Variants in IMMP2L observed in about 807,000 individuals in gnomAD.
IMMP2L encodes inner mitochondrial membrane peptidase subunit 2.
In IMMP2L, 18 loss-of-function variants were observed where a neutral mutation model predicts 19.3. The observed-to-expected ratio is 0.93, with a 90% confidence interval of 0.64 to 1.38. The LOEUF (loss-of-function observed/expected upper bound fraction) is 1.38. Ranked by LOEUF, IMMP2L falls within the 40% of genes most tolerant of loss-of-function variation. The pLI is 0.00. For synonymous variants in IMMP2L, 76 were observed against 73.0 expected, an observed-to-expected ratio of 1.04 and a Z score of -0.21; for missense variants, 233 against 218.2, an observed-to-expected ratio of 1.07 and a Z score of -0.43.
At chr7:111,143,818 A>C (rs1280142203) in intron 3 of IMMP2L, among the ~76,000 whole-genome samples, 3 of 152,138 alleles carry the variant, frequency 2.0e-5, no homozygotes, top group Non-Finnish European at 4.4e-5. Context: ...AAATAATAAC[A>C]CTAGTAATCT....
chr7:111,466,896 T>C (rs1452219173), intron 3 of IMMP2L, among the ~76,000 whole-genome samples: 2 of 152,146 alleles, frequency 1.3e-5, no homozygotes, highest in Non-Finnish European at 1.5e-5. Flanking sequence ...GTATACAAAA[T>C]GATGTCCATA....
chr7:111,397,000 A>C (rs1018757819), intron 3 of IMMP2L, among the ~76,000 whole-genome samples: 21 of 152,102 alleles, frequency 1.4e-4, no homozygotes, highest in Admixed American at 6.6e-4. Flanking sequence ...ACGCAGGAGA[A>C]TGGTATGAAC....
intron 3 of IMMP2L, among the ~76,000 whole-genome samples, chr7:111,091,838 G>A (rs1327316058): frequency 6.6e-6 from 1 of 151,994 alleles, no homozygotes; most frequent in East Asian, 1.9e-4. Flanking sequence ...GAGAGGAGGA[G>A]AGGGAGAGAG....
At chr7:110,964,680 G>C (rs953283697) in intron 3 of IMMP2L, among the ~76,000 whole-genome samples, 1 of 152,006 alleles carries the variant, frequency 6.6e-6, no homozygotes, top group Non-Finnish European at 1.5e-5. Context: ...GAGGTCAATA[G>C]TTTATGGTAA....
chr7:111,545,449 G>A (rs1008401370), intron 1 of IMMP2L, among the ~76,000 whole-genome samples: 16 of 152,204 alleles, frequency 1.1e-4, no homozygotes, highest in Non-Finnish European at 1.8e-4. Flanking sequence ...GGAGTGCAGC[G>A]GCGCAATCTC....
At chr7:111,019,603 C>A (rs963837140) in intron 3 of IMMP2L, among the ~76,000 whole-genome samples, 3 of 152,136 alleles carry the variant, frequency 2.0e-5, no homozygotes, top group African/African-American at 7.2e-5. Context: ...GGTCTTCTGT[C>A]TTCCTTTGAA....
chr7:110,862,857 C>G (rs1487275908), intron 5 of IMMP2L, among the ~76,000 whole-genome samples: 2 of 151,888 alleles, frequency 1.3e-5, no homozygotes, highest in South Asian at 2.1e-4. Flanking sequence ...AGTTTGAGTA[C>G]AGCCTTAGAA....
At chr7:111,022,879 T>G (rs1024432353) in intron 3 of IMMP2L, among the ~76,000 whole-genome samples, 1 of 75,582 alleles carries the variant, frequency 1.3e-5, no homozygotes, top group Non-Finnish European at 3.0e-5. Flanking sequence ...TGCTAACCTT[T>G]CTTTTTTTTA....
intron 3 of IMMP2L, among the ~76,000 whole-genome samples, chr7:111,049,417 C>CG (rs1456976443): frequency 5.9e-5 from 9 of 152,088 alleles, no homozygotes; most frequent in Admixed American, 5.9e-4. Flanking sequence ...AGGCGTGAGC[C>CG]ACCGCGCCCG....
chr7:110,706,460 T>C (rs915081282), intron 5 of IMMP2L, among the ~76,000 whole-genome samples: 12 of 152,168 alleles, frequency 7.9e-5, no homozygotes, highest in African/African-American at 2.9e-4. Flanking sequence ...GCTGAACTCA[T>C]TTACATTACC....
intron 5 of IMMP2L, among the ~76,000 whole-genome samples, chr7:110,776,316 A>G (rs1799385930): frequency 6.6e-6 from 1 of 152,062 alleles, no homozygotes; most frequent in South Asian, 2.1e-4. Flanking sequence ...AATCTTTGAT[A>G]AAAATGAGTG....
intron 1 of IMMP2L, among the ~76,000 whole-genome samples, chr7:111,550,772 C>T (rs1003977607): frequency 3.9e-5 from 6 of 152,172 alleles, no homozygotes; most frequent in African/African-American, 1.2e-4. Flanking sequence ...ACACACATTG[C>T]TCCTCATAAC....
At chr7:110,815,393 T>C (rs915163646) in intron 5 of IMMP2L, among the ~76,000 whole-genome samples, 4 of 152,098 alleles carry the variant, frequency 2.6e-5, no homozygotes, top group African/African-American at 7.2e-5. Flanking sequence ...GATTTTTGCA[T>C]CAATGTTCAT....
intron 4 of IMMP2L, among the ~76,000 whole-genome samples, chr7:110,953,773 C>T (rs1032097643): frequency 6.6e-6 from 1 of 152,116 alleles, no homozygotes; most frequent in African/African-American, 2.4e-5. Flanking sequence ...AACTAATTTA[C>T]ACTCCCACCA....
At chr7:111,531,173 T>C (rs892638814) in intron 1 of IMMP2L, among the ~76,000 whole-genome samples, 1 of 151,996 alleles carries the variant, frequency 6.6e-6, no homozygotes, top group Admixed American at 6.5e-5. Flanking sequence ...GCCAGGATGG[T>C]CTCAATTTCC....
chr7:111,074,305 G>A (rs898848947), intron 3 of IMMP2L, among the ~76,000 whole-genome samples: 1 of 152,208 alleles, frequency 6.6e-6, no homozygotes, highest in African/African-American at 2.4e-5. Flanking sequence ...CTGTCATTTA[G>A]CTGATTATCA....
chr7:111,397,042 C>T (rs930294095), intron 3 of IMMP2L, among the ~76,000 whole-genome samples: 23 of 151,666 alleles, frequency 1.5e-4, no homozygotes, highest in African/African-American at 5.6e-4. Flanking sequence ...GAGCTGAGAT[C>T]GCGCCACTGC....
At position 111,067,523 on chromosome 7, in the gene IMMP2L, T is replaced by C. The variant is rs1206966531; in HGVS notation, c.240-103958A>G. On this transcript the variant is annotated intron_variant, in intron 3 of 5. Coordinates refer to ENST00000405709, the MANE Select transcript of IMMP2L (RefSeq NM_032549.4). ...GGCTGTGTCATTTTTTGATACCAAG[T>C]CACTGCTCCTTCCCTTCTCCCTTTG... 2.0e-5 allele frequency among the ~76,000 whole-genome samples: 3 copies of C among 152,210 alleles called. No individual in the cohort carries two copies. In the East Asian group the frequency reaches 5.8e-4, roughly 29 times the overall value.
rs1224007469 is a variant in IMMP2L at position 110,780,366 on chromosome 7, A to G, written c.408+106227T>C. Among the ~76,000 whole-genome samples, 3 of 151,492 alleles carry G rather than the reference A, an allele frequency of 2.0e-5. No individual in the cohort carries two copies. In the South Asian group the frequency reaches 6.3e-4, roughly 32 times the overall value. ...ACGGTTTACACTGGTGCTGAAAAGA[A>G]AGTTGAGAATTCACCACTGGCAAGC... On this transcript the variant is annotated intron_variant, in intron 5 of 5. Coordinates refer to ENST00000405709, the MANE Select transcript of IMMP2L (RefSeq NM_032549.4).
Sources: gnomAD v4.1 joint callset for allele counts (sites outside exome capture counted in the v4.1 genomes callset) on GRCh38, gnomAD v4.1.1 for gene constraint, MANE v1.5 for transcripts, NCBI Gene and HGNC (gene_info 2026-07-23, HGNC 2026-07-21) for gene names.